SPAG16: variants seen among roughly 807,000 people sequenced by gnomAD.
The protein encoded by SPAG16 is sperm associated antigen 16.
SPAG16 carries 86 observed loss-of-function variants against 80.4 expected under a neutral mutation model. The ratio of observed to expected loss-of-function variants is 1.07; its 90% confidence interval spans 0.90 to 1.28. The LOEUF (loss-of-function observed/expected upper bound fraction) is 1.28. SPAG16 is among the 50% of genes most tolerant of loss of function. The pLI, the probability that SPAG16 is intolerant of heterozygous loss-of-function variation, is 0.00. For missense variants in SPAG16, 870 were observed against 765.3 expected, an observed-to-expected ratio of 1.14 and a Z score of -1.61; for synonymous variants, 294 against 265.9, an observed-to-expected ratio of 1.11 and a Z score of -1.03.
At chr2:213,475,383 T>A in intron 9 of SPAG16, among the ~76,000 whole-genome samples, 1 of 152,028 alleles carries the variant, frequency 6.6e-6, no homozygotes, top group Non-Finnish European at 1.5e-5. Context: ...TATAAGAAGT[T>A]TTTTCTTCAA....
At chr2:213,947,396 G>A (rs1474703217) in intron 12 of SPAG16, among the ~76,000 whole-genome samples, 1 of 152,038 alleles carries the variant, frequency 6.6e-6, no homozygotes. Context: ...CTAACGTGTG[G>A]TGGTATCTCA....
intron 15 of SPAG16, among the ~76,000 whole-genome samples, chr2:214,269,822 C>T (rs1375976273): frequency 6.6e-6 from 1 of 152,064 alleles, no homozygotes; most frequent in East Asian, 1.9e-4. Context: ...TAAGCTGAAA[C>T]CAGAAGTCCA....
chr2:213,360,219 G>A (rs554913751), intron 7 of SPAG16, among the ~76,000 whole-genome samples: 1 of 152,272 alleles, frequency 6.6e-6, no homozygotes, highest in East Asian at 1.9e-4. Context: ...AACTGGATGT[G>A]GCAGCCACCA....
intron 15 of SPAG16, among the ~76,000 whole-genome samples, chr2:214,186,225 C>T (rs1189289803): frequency 6.6e-6 from 1 of 152,102 alleles, no homozygotes; most frequent in Non-Finnish European, 1.5e-5. Flanking sequence ...AATAAGCTCC[C>T]CACTGCCACA....
intron 14 of SPAG16, among the ~76,000 whole-genome samples, chr2:214,137,115 T>C (rs2055096018): frequency 6.6e-6 from 1 of 152,206 alleles, no homozygotes; most frequent in Non-Finnish European, 1.5e-5. Context: ...AAAATTAATG[T>C]ATGATAATTT....
chr2:213,963,003 A>AT (rs1364271499), intron 12 of SPAG16, among the ~76,000 whole-genome samples: 6 of 142,612 alleles, frequency 4.2e-5, no homozygotes, highest in East Asian at 4.2e-4. Context: ...TATTTTATTG[A>AT]TTTTTTCTAT....
chr2:213,410,129 C>T (rs143892800), intron 9 of SPAG16, among the ~76,000 whole-genome samples: 20 of 152,142 alleles, frequency 1.3e-4, no homozygotes, highest in Admixed American at 8.5e-4. Flanking sequence ...TGTGCCACCC[C>T]CTCCAGAGTC....
intron 9 of SPAG16, among the ~76,000 whole-genome samples, chr2:213,480,484 T>G (rs563561329): frequency 1.6e-4 from 25 of 152,344 alleles, no homozygotes; most frequent in African/African-American, 5.8e-4. Context: ...CAGAAAATCT[T>G]TGACATTTAC....
intron 9 of SPAG16, among the ~76,000 whole-genome samples, chr2:213,411,506 G>A (rs1228893519): frequency 6.6e-6 from 1 of 152,218 alleles, no homozygotes; most frequent in Non-Finnish European, 1.5e-5. Flanking sequence ...GATATTAGCA[G>A]AAAGAGGAGT....
intron 9 of SPAG16, among the ~76,000 whole-genome samples, chr2:213,413,376 T>C (rs2069090203): frequency 6.6e-6 from 1 of 152,134 alleles, no homozygotes; most frequent in Non-Finnish European, 1.5e-5. Flanking sequence ...TTTTTCTTCC[T>C]ACAAAGGTCA....
chr2:213,544,826 T>C (rs561189046), intron 10 of SPAG16, among the ~76,000 whole-genome samples: 5 of 152,130 alleles, frequency 3.3e-5, no homozygotes, highest in Non-Finnish European at 4.4e-5. Context: ...CATTGAAGTT[T>C]TCTCCGTTTC....
chr2:213,331,056 A>C (rs544842406), intron 5 of SPAG16, among the ~76,000 whole-genome samples: 265 of 152,304 alleles, frequency 1.7e-3, no homozygotes, highest in Non-Finnish European at 2.9e-3. Context: ...ATGTCTATGC[A>C]CAGTGTGAAA....
At chr2:213,626,492 A>G (rs1233083111) in intron 10 of SPAG16, among the ~76,000 whole-genome samples, 1 of 152,152 alleles carries the variant, frequency 6.6e-6, no homozygotes, top group East Asian at 1.9e-4. Context: ...TGAAAAATAT[A>G]TATAACATTA....
intron 9 of SPAG16, among the ~76,000 whole-genome samples, chr2:213,478,726 G>A (rs2073571351): frequency 1.3e-5 from 2 of 152,056 alleles, no homozygotes; most frequent in African/African-American, 2.4e-5. Flanking sequence ...TAAAAACTAT[G>A]TGACTGTTCT....
intron 15 of SPAG16, among the ~76,000 whole-genome samples, chr2:214,155,192 G>A (rs1015674749): frequency 1.3e-5 from 2 of 152,118 alleles, no homozygotes; most frequent in African/African-American, 4.8e-5. Flanking sequence ...AGCTGGCTAA[G>A]AGTGAATACA....
intron 9 of SPAG16, among the ~76,000 whole-genome samples, chr2:213,411,269 A>G (rs1292373075): frequency 4.6e-5 from 7 of 152,224 alleles, no homozygotes; most frequent in Non-Finnish European, 8.8e-5. Context: ...ACGCAACTGG[A>G]GTCCCACAGG....
chr2:214,281,224 G>A, intron 15 of SPAG16: 1 of 323,108 alleles, frequency 3.1e-6, no homozygotes, highest in African/African-American at 2.2e-5. Context: ...CAGTTCATGT[G>A]CATATGCTAT....
chr2:214,207,289 A>G (rs1388968120), intron 15 of SPAG16, among the ~76,000 whole-genome samples: 3 of 152,192 alleles, frequency 2.0e-5, no homozygotes, highest in African/African-American at 7.2e-5. Flanking sequence ...AGATTAGTTT[A>G]TGTGGAACTT....
At chr2:213,525,652 G>T (rs1279890385) in intron 10 of SPAG16, among the ~76,000 whole-genome samples, 1 of 151,974 alleles carries the variant, frequency 6.6e-6, no homozygotes, top group Non-Finnish European at 1.5e-5. Flanking sequence ...TGTGAGAATG[G>T]ACTAATACAC....
Sources: allele counts gnomAD v4.1 joint callset (sites outside exome capture counted in the v4.1 genomes callset), GRCh38; gene constraint gnomAD v4.1.1; transcripts MANE v1.5; gene names NCBI Gene and HGNC (gene_info 2026-07-23, HGNC 2026-07-21).